SEMA6D: variants seen among roughly 807,000 people sequenced by gnomAD.
SEMA6D encodes semaphorin 6D, also known as semaphorin-6D.
Under a neutral mutation model 106.6 loss-of-function variants are expected in SEMA6D, and 35 were observed. The observed-to-expected ratio is 0.33, with a 90% CI of 0.25 to 0.44. The LOEUF (loss-of-function observed/expected upper bound fraction) is 0.44. Among genes scored for constraint, SEMA6D ranks in the 20% least tolerant of loss-of-function variants. The pLI is 1.00. For missense variants in SEMA6D, 1,185 were observed against 1,345.9 expected (o/e 0.88, Z 1.87); for synonymous variants, 499 against 487.7 (o/e 1.02, Z -0.31).
intron 3 of SEMA6D, among the ~76,000 whole-genome samples, chr15:47,535,238 G>A (rs1225432089): frequency 6.6e-6 from 1 of 152,126 alleles, no homozygotes; most frequent in Non-Finnish European, 1.5e-5. Flanking sequence ...TGTGTACCCG[G>A]TGCTGCTCTA....
At chr15:47,575,968 A>G (rs1368582826) in intron 3 of SEMA6D, among the ~76,000 whole-genome samples, 1 of 152,218 alleles carries the variant, frequency 6.6e-6, no homozygotes, top group East Asian at 1.9e-4. Context: ...CTGGAAAAGG[A>G]GCCACGATAG....
intron 3 of SEMA6D, among the ~76,000 whole-genome samples, chr15:47,582,216 A>G (rs773999295): frequency 6.6e-6 from 1 of 152,190 alleles, no homozygotes; most frequent in Non-Finnish European, 1.5e-5. Context: ...GCTTTTGAGG[A>G]GTGCAATGAT....
chr15:47,466,014 G>A (rs569308940), intron 2 of SEMA6D, among the ~76,000 whole-genome samples: 5 of 152,060 alleles, frequency 3.3e-5, no homozygotes, highest in African/African-American at 4.8e-5. Context: ...TTTTCTCCCA[G>A]CTTTATAGGT....
At chr15:47,763,733 T>C (rs939317726) in intron 9 of SEMA6D, 117 bp from the exon 10 acceptor site, 2 of 888,956 alleles carry the variant, frequency 2.2e-6, no homozygotes, top group African/African-American at 3.3e-5. Context: ...GACTGCTAGA[T>C]TTTTTTGAAC....
intron 1 of SEMA6D, among the ~76,000 whole-genome samples, chr15:47,329,814 G>A (rs924034976): frequency 2.0e-5 from 3 of 152,176 alleles, no homozygotes; most frequent in Non-Finnish European, 4.4e-5. Context: ...GCACACTAAA[G>A]TTTGAGAAAC....
chr15:47,514,631 A>G (rs1656617), intron 3 of SEMA6D, among the ~76,000 whole-genome samples: 111 of 152,212 alleles, frequency 7.3e-4, no homozygotes, highest in African/African-American at 2.6e-3. Flanking sequence ...AAACATGTCC[A>G]TAGTCTAACT....
chr15:47,767,716 C>T (rs1163477887), intron 17 of SEMA6D, among the ~76,000 whole-genome samples: 1 of 152,060 alleles, frequency 6.6e-6, no homozygotes, highest in Non-Finnish European at 1.5e-5. Context: ...GAATTGTGGT[C>T]TCTGAGGTTT....
intron 4 of SEMA6D, among the ~76,000 whole-genome samples, chr15:47,653,329 A>C (rs2077728292): frequency 6.6e-6 from 1 of 152,226 alleles, no homozygotes; most frequent in Non-Finnish European, 1.5e-5. Flanking sequence ...TGCGGGAAAT[A>C]ATAGAGACTC....
chr15:47,598,996 C>T (rs1596399816), intron 3 of SEMA6D, among the ~76,000 whole-genome samples: 1 of 152,056 alleles, frequency 6.6e-6, no homozygotes, highest in Non-Finnish European at 1.5e-5. Flanking sequence ...GTCTGTGTTT[C>T]CCAAAATGTG....
chr15:47,771,070 A>G lies in SEMA6D; in HGVS notation c.2507A>G (p.Asp836Gly), dbSNP rs2082602809. The part of the protein sequence containing the change: ...SAIVLPNATH[D>G]YNTSFSNSNA... ...ATTGTTCTTCCAAATGCTACCCATG[A>G]CTACAACACGTCTTTCTCAAACTCC... Residue 836 changes from aspartate (D) to glycine (G), a missense_variant, in exon 19 of 19, where the codon GAC becomes GGC. Asp to Gly is a moderately conservative substitution (Grantham distance 94, BLOSUM62 -1). Coordinates refer to ENST00000536845, the MANE Select transcript of SEMA6D (RefSeq NM_001358351.3). The G allele has an allele frequency of 1.9e-6, 3 of 1,614,016 alleles. No homozygotes were observed. The highest frequency in any genetic ancestry group is 1.1e-5 in the South Asian group (1 of 91,084).
intron 2 of SEMA6D, among the ~76,000 whole-genome samples, chr15:47,438,893 T>G (rs913714459): frequency 6.6e-6 from 1 of 152,074 alleles, no homozygotes; most frequent in Admixed American, 6.6e-5. Flanking sequence ...GCACAACAGA[T>G]GCACAATCAA....
chr15:47,401,242 C>T (rs2040387942), intron 1 of SEMA6D, among the ~76,000 whole-genome samples: 1 of 152,078 alleles, frequency 6.6e-6, no homozygotes, highest in Admixed American at 6.6e-5. Flanking sequence ...TTATTTTACT[C>T]CTCAAACCTT....
intron 1 of SEMA6D, among the ~76,000 whole-genome samples, chr15:47,321,045 AT>A (rs1247328255): frequency 6.6e-6 from 1 of 152,084 alleles, no homozygotes; most frequent in African/African-American, 2.4e-5. Context: ...CTTTAGAAAT[AT>A]TTTTTCCCTC....
intron 1 of SEMA6D, among the ~76,000 whole-genome samples, chr15:47,741,936 A>C (rs754693052): frequency 6.6e-6 from 1 of 152,158 alleles, no homozygotes; most frequent in Admixed American, 6.5e-5. Flanking sequence ...AAATGGATAG[A>C]GTGTCCTGCG....
chr15:47,236,407 T>A (rs752416990), intron 1 of SEMA6D, among the ~76,000 whole-genome samples: 5 of 152,120 alleles, frequency 3.3e-5, no homozygotes, highest in Non-Finnish European at 5.9e-5. Flanking sequence ...GAATTCTAAG[T>A]ATTTAATATT....
chr15:47,680,017 G>C (rs2145567486), intron 4 of SEMA6D, among the ~76,000 whole-genome samples: 1 of 152,046 alleles, frequency 6.6e-6, no homozygotes, highest in East Asian at 1.9e-4. Flanking sequence ...CCCTTTCATA[G>C]AATTGCCCCA....
chr15:47,337,458 T>C (rs1227925732), intron 1 of SEMA6D, among the ~76,000 whole-genome samples: 1 of 152,124 alleles, frequency 6.6e-6, no homozygotes, highest in Non-Finnish European at 1.5e-5. Flanking sequence ...ATAGGCACTT[T>C]CTCTGAAGTG....
Position 47,771,701 on chromosome 15 carries a change from G to A in SEMA6D, c.3138G>A (p.Pro1046=), listed in dbSNP as rs772828725. Reference sequence around the variant, plus strand: ...CTAGGACGGGACTAAAGAGGACGCCGTCCTTAAAACCTGACGTGCCACCAA... The same window carrying A: ...CTAGGACGGGACTAAAGAGGACGCCATCCTTAAAACCTGACGTGCCACCAA... ...TLPRTGLKRT[P]SLKPDVPPKP... is the part of the protein sequence containing the mutation. The change falls in exon 19 of 19, where the codon CCG becomes CCA. Residue 1046 remains proline, a synonymous_variant. Coordinates refer to ENST00000536845, the MANE Select transcript of SEMA6D (RefSeq NM_001358351.3). The A allele has an allele frequency of 1.1e-5, 17 of 1,614,014 alleles. No homozygotes were observed. Among genetic ancestry groups the A allele is most frequent in the African/African-American group, 2.7e-5 (2 of 75,024 alleles).
At chr15:47,672,800 G>A (rs374829833) in intron 4 of SEMA6D, among the ~76,000 whole-genome samples, 90 of 151,996 alleles carry the variant, frequency 5.9e-4, no homozygotes, top group African/African-American at 2.1e-3. Context: ...TTAATAATTA[G>A]CATAATAATT....
Sources: allele counts gnomAD v4.1 joint callset (sites outside exome capture counted in the v4.1 genomes callset), GRCh38; gene constraint gnomAD v4.1.1; transcripts MANE v1.5; gene names NCBI Gene and HGNC (gene_info 2026-07-23, HGNC 2026-07-21).